DNM2: variants seen among roughly 807,000 people sequenced by gnomAD.
DNM2 encodes dynamin 2, also known as dynamin-2.
A neutral mutation model predicts 99.0 loss-of-function variants in DNM2; 15 were observed. That is an observed-to-expected ratio of 0.15 (90% confidence interval 0.10 to 0.23). The LOEUF is 0.23. Ranked by LOEUF, DNM2 falls within the 10% of genes least tolerant of loss-of-function variation. The pLI is 1.00. For synonymous variants in DNM2, 525 were observed against 481.2 expected (o/e 1.09, Z -1.19); for missense variants, 742 against 1,189.4 (o/e 0.62, Z 5.53).
intron 1 of DNM2, among the ~76,000 whole-genome samples, chr19:10,753,858 T>C (rs908995917): frequency 5.3e-5 from 8 of 152,042 alleles, no homozygotes; most frequent in African/African-American, 4.8e-5. Flanking sequence ...GGTTGCACCA[T>C]GTTGGCCAAG....
intron 1 of DNM2, among the ~76,000 whole-genome samples, chr19:10,733,161 A>G (rs113089045): frequency 0.1 from 15,307 of 148,238 alleles, 1,210 homozygotes; most frequent in East Asian, 0.37. Context: ...TGGGATTACC[A>G]GTGTGAGCCA....
chr19:10,786,019 C>T (rs1025468059), intron 6 of DNM2, among the ~76,000 whole-genome samples: 3 of 152,038 alleles, frequency 2.0e-5, no homozygotes, highest in African/African-American at 7.2e-5. Context: ...AGGCTGGTCT[C>T]GATCTCTTGA....
intron 1 of DNM2, among the ~76,000 whole-genome samples, chr19:10,726,218 C>CA (rs1195927872): frequency 2.5e-4 from 21 of 82,536 alleles, no homozygotes; most frequent in South Asian, 4.8e-4. Context: ...GACTCTGCCT[C>CA]AAAAAAAAAA....
chr19:10,829,172 C>T lies in DNM2; in HGVS notation c.2195C>T (p.Ala732Val), dbSNP rs375577182. The T allele has an allele frequency of 8.7e-6, 14 of 1,613,916 alleles. No homozygotes were observed. The highest frequency in any genetic ancestry group is 6.7e-5 in the East Asian group (3 of 44,898). Residue 732 changes from alanine to valine, a missense_variant, in exon 19 of 21, where the codon GCG (alanine) becomes GTG (valine). By Grantham distance (64) the Ala-to-Val change is moderately conservative. Transcript: ENST00000389253. ...MLRMYHALKEALNIIGDISTS... is the reference protein window; with the variant it reads ...MLRMYHALKEVLNIIGDISTS... ...CGCATGTACCATGCCCTCAAGGAGG[C>T]GCTCAACATCATCGGTGACATCAGC...
intron 1 of DNM2, among the ~76,000 whole-genome samples, chr19:10,749,173 T>C (rs2070104835): frequency 6.6e-6 from 1 of 152,178 alleles, no homozygotes; most frequent in South Asian, 2.1e-4. Flanking sequence ...TGTGGGCTTA[T>C]CTGTTGATTC....
rs1405503756 is a variant in DNM2, at chr19:10,812,260, C to T, written c.1558-4C>T. On this transcript the variant is annotated splice_region_variant and splice_polypyrimidine_tract_variant and intron_variant, in intron 14 of 20. Transcript: ENST00000389253. This position sits in a 1 kb window ranked among gnomAD's most constrained non-coding sequence, Gnocchi z 4.0. ...TCCCTGCTAAGCTGCGCGCTTTCCC[C>T]CAGGTGATCCGCAGGGGCTGGCTGA... The T allele has an allele frequency of 6.3e-7, 1 of 1,592,256 alleles. No individual in the cohort carries two copies. The highest frequency in any genetic ancestry group is 8.6e-7 in the Non-Finnish European group (1 of 1,169,302).
chr19:10,777,038 G>A (rs1432696201), intron 4 of DNM2, 80 bp from the exon 5 acceptor site: 1 of 1,423,022 alleles, frequency 7.0e-7, no homozygotes, highest in Non-Finnish European at 9.9e-7. Context: ...GGGCCAACTG[G>A]ACCCCAGGTG....
chr19:10,756,196 C>G (rs1412791665), intron 1 of DNM2, among the ~76,000 whole-genome samples: 3 of 152,232 alleles, frequency 2.0e-5, no homozygotes, highest in Admixed American at 6.5e-5. Context: ...GGGGCGCCCG[C>G]TCGCTGTTTC....
At chr19:10,735,330 G>A (rs62131782) in intron 1 of DNM2, among the ~76,000 whole-genome samples, 2 of 152,072 alleles carry the variant, frequency 1.3e-5, no homozygotes, top group African/African-American at 4.8e-5. Context: ...AAGCCACCTC[G>A]TCCAGCCATC....
intron 1 of DNM2, among the ~76,000 whole-genome samples, chr19:10,755,915 T>C (rs10420043): frequency 0.74 from 111,714 of 151,544 alleles, 41,940 homozygotes; most frequent in African/African-American, 0.87. Flanking sequence ...CCACCCACCT[T>C]GGCTTCCCAA....
intron 7 of DNM2, among the ~76,000 whole-genome samples, chr19:10,789,818 G>A (rs148418554): frequency 0.013 from 2,025 of 152,292 alleles, 25 homozygotes; most frequent in South Asian, 0.02. Flanking sequence ...TGGGCAGACA[G>A]AGCGAGACTG....
rs74354875 is a variant in DNM2, at chr19:10,804,564, C to T, written c.1494-1352C>T. Among the ~76,000 whole-genome samples, 830 of 152,032 alleles carry T rather than the reference C, an allele frequency of 5.5e-3. 42 individuals are homozygous for T. The East Asian group carries it at 0.12, about 22-fold the overall frequency. The stretch of plus-strand genomic sequence containing the variant: ...AAATTAACTGGGCATGGTGGTGGTG[C>T]GTAATCTCAGCTACTTAGGAGGCTG... On this transcript the variant is annotated intron_variant, in intron 12 of 20. Transcript: ENST00000389253.
intron 1 of DNM2, among the ~76,000 whole-genome samples, chr19:10,726,621 G>GA (rs1030625213): frequency 6.6e-6 from 1 of 152,070 alleles, no homozygotes; most frequent in Non-Finnish European, 1.5e-5. Flanking sequence ...AGAAATGGGA[G>GA]AAAAAATGCC....
chr19:10,751,901 C>T (rs1351907570), intron 1 of DNM2, among the ~76,000 whole-genome samples: 1 of 152,264 alleles, frequency 6.6e-6, no homozygotes, highest in African/African-American at 2.4e-5. Context: ...CAGAGGGGTG[C>T]TTGTCCTTGG....
At chr19:10,789,784 G>A (rs889877345) in intron 7 of DNM2, among the ~76,000 whole-genome samples, 1 of 151,888 alleles carries the variant, frequency 6.6e-6, no homozygotes, top group Admixed American at 6.6e-5. Context: ...CAGTGAGCCA[G>A]GATCACACCA....
Position 10,830,743 on chromosome 19 carries a change from C to T in DNM2, c.2544-235C>T, listed in dbSNP as rs139137394. 3.0e-3 allele frequency among the ~76,000 whole-genome samples: 462 copies of T among 152,282 alleles called. No homozygotes were observed. Among genetic ancestry groups the T allele is most frequent in the African/African-American group, 0.011 (446 of 41,552 alleles). On this transcript the variant is annotated intron_variant, in intron 20 of 20. Coordinates refer to ENST00000389253, the MANE Select transcript of DNM2 (RefSeq NM_001005361.3). This position sits in a 1 kb window ranked among gnomAD's most constrained non-coding sequence, Gnocchi z 4.8. ...CCAGGCTTTATTCTCCCCACTTCTC[C>T]GGTGGGGAAGCTGAGGCCCAGGGAG...
At chr19:10,727,255 A>T (rs369029159) in intron 1 of DNM2, among the ~76,000 whole-genome samples, 1 of 152,324 alleles carries the variant, frequency 6.6e-6, no homozygotes, top group African/African-American at 2.4e-5. Context: ...TGATAGGTTC[A>T]TAACATTGAA....
chr19:10,742,696 C>T (rs1453155495), intron 1 of DNM2, among the ~76,000 whole-genome samples: 1 of 152,068 alleles, frequency 6.6e-6, no homozygotes, highest in Non-Finnish European at 1.5e-5. Context: ...CGGGATGGTG[C>T]CTGGCAGATG....
chr19:10,729,319 C>T (rs1206085280), intron 1 of DNM2, among the ~76,000 whole-genome samples: 6 of 151,902 alleles, frequency 3.9e-5, no homozygotes, highest in African/African-American at 9.7e-5. Flanking sequence ...GATCATGCCA[C>T]GGCCCTCCAG....
Sources: allele counts gnomAD v4.1 joint callset (sites outside exome capture counted in the v4.1 genomes callset), GRCh38; gene constraint gnomAD v4.1.1; non-coding constraint Gnocchi (gnomAD v3.1); transcripts MANE v1.5; gene names NCBI Gene and HGNC (gene_info 2026-07-23, HGNC 2026-07-21).